LIN54: variants seen among roughly 807,000 people sequenced by gnomAD.
LIN54 encodes protein lin-54 homolog.
LIN54 carries 9 observed loss-of-function variants against 78.7 expected under a neutral mutation model. That is an observed-to-expected ratio of 0.11 (90% CI 0.07 to 0.20). LIN54 has a LOEUF of 0.20. Ranked by LOEUF, LIN54 falls within the 10% of genes least tolerant of loss-of-function variation. LIN54 has a pLI of 1.00. For synonymous variants in LIN54, 269 were observed against 318.4 expected, an observed-to-expected ratio of 0.84 and a Z score of 1.65; for missense variants, 573 against 889.9, an observed-to-expected ratio of 0.64 and a Z score of 4.53.
At chr4:83,012,330 T>G (rs1279690333), upstream of LIN54, among the ~76,000 whole-genome samples, 1 of 152,034 alleles carries the variant, frequency 6.6e-6, no homozygotes, top group East Asian at 1.9e-4. Context: ...AACAAGAGCC[T>G]GTACAAAGGG....
intron 1 of LIN54, among the ~76,000 whole-genome samples, chr4:82,996,650 C>T (rs1429795834): frequency 6.6e-6 from 1 of 151,928 alleles, no homozygotes; most frequent in East Asian, 1.9e-4. Context: ...ATGATCCACC[C>T]ATCTCAGCCT....
intron 2 of LIN54, among the ~76,000 whole-genome samples, chr4:82,981,412 C>T (rs558355035): frequency 6.6e-6 from 1 of 152,068 alleles, no homozygotes; most frequent in Admixed American, 6.6e-5. Flanking sequence ...CATCTTCCAC[C>T]GTTGCCTGCT....
chr4:83,005,901 T>C (rs535804897), intron 1 of LIN54, among the ~76,000 whole-genome samples: 25 of 152,200 alleles, frequency 1.6e-4, no homozygotes, highest in East Asian at 7.7e-4. Context: ...TCAGTGGTGA[T>C]TGGATAAGGA....
intron 4 of LIN54, among the ~76,000 whole-genome samples, chr4:82,947,235 A>ATATATTTTTT: frequency 0.019 from 833 of 44,224 alleles, 40 homozygotes; most frequent in Admixed American, 0.055. Flanking sequence ...ATATATATAT[A>ATATATTTTTT]TTTTTTTTTT....
chr4:82,999,718 C>T (rs1327325686), intron 1 of LIN54, among the ~76,000 whole-genome samples: 2 of 138,552 alleles, frequency 1.4e-5, no homozygotes, highest in African/African-American at 5.4e-5. Flanking sequence ...GCAGAGGCTA[C>T]AGTGAGCTGA....
intron 4 of LIN54, among the ~76,000 whole-genome samples, chr4:82,963,039 G>A (rs939972591): frequency 4.6e-5 from 7 of 151,508 alleles, no homozygotes; most frequent in Non-Finnish European, 7.4e-5. Flanking sequence ...AACACACAAC[G>A]CACATTTAGA....
At chr4:82,940,610 C>T (rs572966125) in intron 5 of LIN54, among the ~76,000 whole-genome samples, 2 of 152,318 alleles carry the variant, frequency 1.3e-5, no homozygotes, top group East Asian at 3.9e-4. Flanking sequence ...CCAGGCTGAA[C>T]CCAATGTCTC....
Position 82,936,040 on chromosome 4 carries a change from T to A in LIN54, c.1786A>T (p.Ser596Cys), listed in dbSNP as rs1279647719. ...GATCGTTTGCAATTACACCCTTTGC[T>A]ATGACGTCGATCAGATTCTCCCTCC... ...GKEGESDRRH[S>C]KGCNCKRSGC... The change falls in exon 11 of 13, where the codon AGC (serine) becomes TGC (cysteine). Residue 596 changes from serine (S) to cysteine (C), a missense_variant. Around this residue, in one of 6 missense-constraint regions of LIN54, gnomAD observed 101 missense variants for 194.2 expected, o/e 0.52. Transcript: ENST00000340417. 1.9e-6 allele frequency: 3 copies of A among 1,613,910 alleles called. No individual in the cohort carries two copies. The highest frequency in any genetic ancestry group is 2.5e-6 in the Non-Finnish European group (3 of 1,179,860).
intron 1 of LIN54, among the ~76,000 whole-genome samples, chr4:82,995,832 G>GTCACATAGGTCA (rs1035137592): frequency 6.6e-6 from 1 of 151,750 alleles, no homozygotes; most frequent in Non-Finnish European, 1.5e-5. Flanking sequence ...CACATGCAGG[G>GTCACATAGGTCA]CATGGTGGCC....
intron 4 of LIN54, among the ~76,000 whole-genome samples, chr4:82,956,366 A>AC (rs1724333774): frequency 1.4e-5 from 1 of 70,632 alleles, no homozygotes; most frequent in Non-Finnish European, 2.6e-5. Context: ...AAAAAAAAAA[A>AC]GACTGTTTTT....
At chr4:82,941,358 G>A (rs72925223) in intron 5 of LIN54, among the ~76,000 whole-genome samples, 2,426 of 151,918 alleles carry the variant, frequency 0.016, 72 homozygotes, top group African/African-American at 0.055. Flanking sequence ...TACAAATGTT[G>A]GTGAACAAAC....
intron 3 of LIN54, among the ~76,000 whole-genome samples, chr4:82,972,697 A>G (rs1346467849): frequency 1.3e-5 from 2 of 152,194 alleles, no homozygotes; most frequent in African/African-American, 2.4e-5. Flanking sequence ...TAATATTCAT[A>G]TAGAGCTGGA....
intron 4 of LIN54, among the ~76,000 whole-genome samples, chr4:82,951,919 T>C (rs1407519391): frequency 6.6e-6 from 1 of 152,164 alleles, no homozygotes; most frequent in African/African-American, 2.4e-5. Flanking sequence ...TGAATATCCG[T>C]GTGCAAAACA....
chr4:82,930,778 GTTT>G (rs1407339992), intron 12 of LIN54, among the ~76,000 whole-genome samples, 162 bp downstream of exon 12: 4 of 152,258 alleles, frequency 2.6e-5, no homozygotes, highest in African/African-American at 9.6e-5. Flanking sequence ...TCTGACAGTG[GTTT>G]CTGTTACCTT....
intron 4 of LIN54, among the ~76,000 whole-genome samples, chr4:82,957,888 A>G (rs1484061188): frequency 2.0e-5 from 3 of 152,218 alleles, no homozygotes; most frequent in Non-Finnish European, 4.4e-5. Context: ...AAATGCCCCT[A>G]CCACATAGTA....
At chr4:82,949,386 C>A (rs534691149) in intron 4 of LIN54, among the ~76,000 whole-genome samples, 1,074 of 39,672 alleles carry the variant, frequency 0.027, 4 homozygotes, top group Middle Eastern at 0.1. Flanking sequence ...TGTATGAGTT[C>A]TTTTGTTGTT....
At chr4:82,955,094 G>A (rs549118764) in intron 4 of LIN54, among the ~76,000 whole-genome samples, 6 of 152,164 alleles carry the variant, frequency 3.9e-5, no homozygotes, top group African/African-American at 7.2e-5. Context: ...TGAACAGGCC[G>A]GGTACGGTGG....
intron 2 of LIN54, among the ~76,000 whole-genome samples, 174 bp downstream of exon 2, chr4:82,983,987 T>C (rs1726902231): frequency 6.6e-6 from 1 of 152,234 alleles, no homozygotes; most frequent in Non-Finnish European, 1.5e-5. Flanking sequence ...GGTAAAAATT[T>C]TCATAAGCAT....
chr4:82,940,582 T>C (rs1390151035), intron 5 of LIN54, among the ~76,000 whole-genome samples: 1 of 152,140 alleles, frequency 6.6e-6, no homozygotes, highest in African/African-American at 2.4e-5. Flanking sequence ...TAGTAGACAC[T>C]GGGTTCTGCC....
Sources: allele counts gnomAD v4.1 joint callset (sites outside exome capture counted in the v4.1 genomes callset), GRCh38; gene constraint gnomAD v4.1.1; regional missense constraint gnomAD v4.1.1; transcripts MANE v1.5; gene names NCBI Gene and HGNC (gene_info 2026-07-23, HGNC 2026-07-21).